The following DUSP10 variants were observed in gnomAD, a reference collection of about 807,000 sequenced individuals.
DUSP10 encodes the protein dual specificity protein phosphatase 10.
DUSP10 carries 14 observed loss-of-function variants against 30.8 expected under a neutral mutation model. The observed-to-expected ratio is 0.46, with a 90% confidence interval of 0.30 to 0.71. The LOEUF (loss-of-function observed/expected upper bound fraction) is 0.71. Ranked by LOEUF, DUSP10 falls within the 30% of genes least tolerant of loss-of-function variation. DUSP10 has a pLI of 0.08. For missense variants in DUSP10, 550 were observed against 619.4 expected (o/e 0.89, Z 1.19); for synonymous variants, 254 against 250.4 (o/e 1.01, Z -0.14).
At chr1:221,739,866 A>G (rs1435777398) in intron 1 of DUSP10, 79 bp from the exon 2 acceptor site, 2 of 1,396,800 alleles carry the variant, frequency 1.4e-6, no homozygotes, top group Non-Finnish European at 1.9e-6. Context: ...CCTGGGAAAG[A>G]CCTTTGCATC....
chr1:221,740,835 T>C (rs918768801), intron 1 of DUSP10, among the ~76,000 whole-genome samples: 4 of 152,236 alleles, frequency 2.6e-5, no homozygotes, highest in African/African-American at 7.2e-5. Context: ...TTTCAGAGTG[T>C]CTGCAAAAAG....
intron 2 of DUSP10, among the ~76,000 whole-genome samples, chr1:221,720,972 G>A (rs1413581346): frequency 1.3e-5 from 2 of 152,112 alleles, no homozygotes; most frequent in East Asian, 3.9e-4. Context: ...CTTTCTCTTA[G>A]AGGAAATAGA....
chr1:221,702,391 T>TGGA lies in DUSP10; in HGVS notation c.*20_*21insTCC. 6.2e-7 allele frequency: 1 copy of TGGA among 1,610,124 alleles called. No homozygotes were observed. Among genetic ancestry groups the TGGA allele is most frequent in the Non-Finnish European group, 8.5e-7 (1 of 1,177,858 alleles). ...ATTGTCTCCTAATGGAGAGCAGCAA[T>TGGA]CCTTTCCATCCAGACCATTGTCACA... On this transcript the variant is annotated 3_prime_UTR_variant, in exon 4 of 4. Transcript: ENST00000366899. This position sits in a 1 kb window ranked among gnomAD's most constrained non-coding sequence, Gnocchi z 4.5.
At chr1:221,724,426 A>G (rs1661366247) in intron 2 of DUSP10, among the ~76,000 whole-genome samples, 1 of 152,194 alleles carries the variant, frequency 6.6e-6, no homozygotes, top group South Asian at 2.1e-4. Context: ...AACATGTGCA[A>G]ATATCATTTC....
intron 2 of DUSP10, among the ~76,000 whole-genome samples, chr1:221,715,363 A>G (rs1428397038): frequency 6.6e-6 from 1 of 152,094 alleles, no homozygotes; most frequent in Non-Finnish European, 1.5e-5. Flanking sequence ...CTCCTGGCTC[A>G]GAAGTTGCCT....
Position 221,739,319 on chromosome 1 carries a change from C to T in DUSP10, c.426G>A (p.Lys142=), listed in dbSNP as rs745510990. ...AGATTATTTTGATGCTGGCTAGCTG[C>T]TTGGGGGTCCCTGACACAGGGCTGC... The part of the protein sequence containing the change: ...GVGSPVSGTP[K]QLASIKIIYP... Residue 142 remains lysine (K), a synonymous_variant, in exon 2 of 4, where the codon AAG becomes AAA. Coordinates refer to ENST00000366899, the MANE Select transcript of DUSP10 (RefSeq NM_007207.6). 9 of 1,613,976 alleles carry T rather than the reference C, an allele frequency of 5.6e-6. No individual in the cohort carries two copies. In the Admixed American group the frequency reaches 1.2e-4, roughly 21 times the overall value.
chr1:221,738,751 G>A (rs1385714273), intron 2 of DUSP10, among the ~76,000 whole-genome samples, 183 bp downstream of exon 2: 2 of 152,222 alleles, frequency 1.3e-5, no homozygotes, highest in Non-Finnish European at 2.9e-5. Context: ...CTGGCTTCCA[G>A]TTCAGTGCTG....
At chr1:221,719,713 C>T (rs562786640) in intron 2 of DUSP10, among the ~76,000 whole-genome samples, 3 of 152,154 alleles carry the variant, frequency 2.0e-5, no homozygotes, top group Admixed American at 2.0e-4. Flanking sequence ...TCGACCATTT[C>T]CCCTGAAGCC....
chr1:221,734,455 T>C (rs1282391346), intron 2 of DUSP10, among the ~76,000 whole-genome samples: 1 of 152,252 alleles, frequency 6.6e-6, no homozygotes, highest in African/African-American at 2.4e-5. Context: ...AATTTGCCTT[T>C]GTACTGGCAC....
At chr1:221,705,112 T>G (rs74825816) in intron 3 of DUSP10, among the ~76,000 whole-genome samples, 1,769 of 55,470 alleles carry the variant, frequency 0.032, 48 homozygotes, top group African/African-American at 0.14. Flanking sequence ...ATTTTGAGTG[T>G]TTTTTTTTTT....
At chr1:221,703,553 TTTGCTTCCATG>T (rs1259540872) in intron 3 of DUSP10, among the ~76,000 whole-genome samples, 3 of 152,176 alleles carry the variant, frequency 2.0e-5, no homozygotes, top group African/African-American at 7.2e-5. Flanking sequence ...TTCAATCCCG[TTTGCTTCCATG>T]TATGACATTC....
intron 2 of DUSP10, among the ~76,000 whole-genome samples, chr1:221,728,277 C>T (rs1029409098): frequency 5.9e-5 from 9 of 152,302 alleles, no homozygotes; most frequent in South Asian, 2.1e-4. Flanking sequence ...AACTTTGTGA[C>T]GAAATCTTAT....
At chr1:221,722,289 G>A (rs559355167) in intron 2 of DUSP10, among the ~76,000 whole-genome samples, 1 of 152,348 alleles carries the variant, frequency 6.6e-6, no homozygotes, top group South Asian at 2.1e-4. Context: ...TGGAAGGTGA[G>A]ATGCTCAGGG....
chr1:221,737,685 G>A (rs1043778638), intron 2 of DUSP10, among the ~76,000 whole-genome samples: 11 of 152,186 alleles, frequency 7.2e-5, no homozygotes, highest in East Asian at 1.9e-4. Context: ...TGAGGAGAGC[G>A]GAGGGTGGGA....
chr1:221,724,606 G>A (rs1227096322), intron 2 of DUSP10, among the ~76,000 whole-genome samples: 3 of 152,236 alleles, frequency 2.0e-5, no homozygotes, highest in South Asian at 2.1e-4. Context: ...TATATTGGAC[G>A]CTGCAGATAG....
At chr1:221,730,096 A>C (rs1661538799) in intron 2 of DUSP10, among the ~76,000 whole-genome samples, 1 of 150,670 alleles carries the variant, frequency 6.6e-6, no homozygotes, top group African/African-American at 2.5e-5. Context: ...TTCTCCTTTC[A>C]ATTTGTTTTT....
At chr1:221,711,004 A>G (rs1276885356) in intron 2 of DUSP10, among the ~76,000 whole-genome samples, 1 of 152,208 alleles carries the variant, frequency 6.6e-6, no homozygotes, top group Admixed American at 6.5e-5. Context: ...TTCTCTGCCA[A>G]AATGAGTATG....
intron 2 of DUSP10, among the ~76,000 whole-genome samples, chr1:221,708,115 A>G (rs969209386): frequency 6.6e-6 from 1 of 152,238 alleles, no homozygotes. Flanking sequence ...GGGGAAGTGG[A>G]AAAGTCCTAT....
intron 2 of DUSP10, among the ~76,000 whole-genome samples, chr1:221,733,160 A>T (rs1390808503): frequency 1.3e-5 from 2 of 152,236 alleles, no homozygotes; most frequent in African/African-American, 4.8e-5. Flanking sequence ...GCTACTGGTC[A>T]AAAGCTCCCA....
Sources: allele counts gnomAD v4.1 joint callset (sites outside exome capture counted in the v4.1 genomes callset), GRCh38; gene constraint gnomAD v4.1.1; non-coding constraint Gnocchi (gnomAD v3.1); transcripts MANE v1.5; gene names NCBI Gene and HGNC (gene_info 2026-07-23, HGNC 2026-07-21).